Variants in NRAS observed in about 807,000 individuals in gnomAD.
The protein encoded by NRAS is NRAS proto-oncogene, GTPase.
In NRAS, 6 loss-of-function variants were observed where a neutral mutation model predicts 21.3. The observed-to-expected ratio is 0.28, with a 90% CI of 0.15 to 0.56. The LOEUF is 0.56. Ranked by LOEUF, NRAS falls within the 20% of genes least tolerant of loss-of-function variation. The probability of loss-of-function intolerance (pLI) is 0.93; values close to 1 mark genes in which losing one functional copy is unlikely to be tolerated. For missense variants in NRAS, 143 were observed against 231.3 expected (o/e 0.62, Z 2.48); for synonymous variants, 84 against 82.0 (o/e 1.02, Z -0.13).
chr1:114,716,673 C>T lies in NRAS; in HGVS notation c.-33G>A, dbSNP rs929585994. 1.4e-5 allele frequency: 3 copies of T among 211,976 alleles called. No individual in the cohort carries two copies. Among genetic ancestry groups the T allele is most frequent in the African/African-American group, 6.9e-5 (3 of 43,504 alleles). The allele number at this position is 211,976 out of a possible 1,614,324, so 13.1% of individuals were successfully genotyped here. On this transcript the variant is annotated 5_prime_UTR_variant, in exon 1 of 7. Transcript: ENST00000369535. ...ATAAACTTACCTCAAGCTCCACTGC[C>T]TCTGCTTTGGACAGATTTAGGACCA...
At chr1:114,713,703 T>TA (rs1247923997) in intron 3 of NRAS, 97 bp downstream of exon 3, 6 of 1,047,554 alleles carry the variant, frequency 5.7e-6, no homozygotes, top group Non-Finnish European at 9.0e-6. Flanking sequence ...TTCCCATAAT[T>TA]AAAAAGCTCT....
chr1:114,706,530 A>G lies in NRAS; in HGVS notation c.*1564T>C, dbSNP rs1658923282. ...AAACCCTTCAAAGAACATTATGAAT[A>G]AAGAGAATTTAAAACGTTTCTCAGC... is the stretch of plus-strand genomic sequence containing the variant. On this transcript the variant is annotated 3_prime_UTR_variant, in exon 7 of 7. Transcript: ENST00000369535. 1 of 152,254 alleles carries G rather than the reference A, an allele frequency of 6.6e-6. No individual in the cohort carries two copies. Among genetic ancestry groups the G allele is most frequent in the South Asian group, 2.1e-4 (1 of 4,836 alleles). The allele number at this position is 152,254 out of a possible 1,614,324, so 9.4% of individuals were successfully genotyped here. A position where few individuals can be genotyped will look rare whatever the true frequency, so the allele number is the denominator to read the frequency against.
chr1:114,714,170 TA>T (rs1414191541), intron 2 of NRAS, among the ~76,000 whole-genome samples, 192 bp from the exon 3 acceptor site: 1 of 152,138 alleles, frequency 6.6e-6, no homozygotes, highest in Non-Finnish European at 1.5e-5. Flanking sequence ...TCACCCTACA[TA>T]AAAGAAAACC....
chr1:114,709,104 G>C (rs1658982079), intron 4 of NRAS, among the ~76,000 whole-genome samples: 2 of 152,074 alleles, frequency 1.3e-5, no homozygotes, highest in Admixed American at 6.6e-5. Context: ...GTTCATTTTG[G>C]GTTTAAACAA....
intron 3 of NRAS, among the ~76,000 whole-genome samples, chr1:114,713,498 G>A (rs578112112): frequency 3.9e-5 from 6 of 152,144 alleles, no homozygotes; most frequent in African/African-American, 1.4e-4. Context: ...GATGTTTCTT[G>A]GAGATGTTTT....
rs1658883276 is a variant in NRAS at position 114,705,238 on chromosome 1, A to G, written c.*2856T>C. 2.0e-5 allele frequency: 3 copies of G among 152,340 alleles called. No individual in the cohort carries two copies. The highest frequency in any genetic ancestry group is 6.5e-5 in the Admixed American group (1 of 15,304). The allele number at this position is 152,340 out of a possible 1,614,324, so 9.4% of individuals were successfully genotyped here. A position where few individuals can be genotyped will look rare whatever the true frequency, so the allele number is the denominator to read the frequency against. Reference sequence around the variant, plus strand: ...GTGAAAGACTAAACATGGGCCCACTAAAATAGAGATTAATTTTACCTATTA... The same window carrying G: ...GTGAAAGACTAAACATGGGCCCACTGAAATAGAGATTAATTTTACCTATTA... On this transcript the variant is annotated 3_prime_UTR_variant, in exon 7 of 7. Coordinates refer to ENST00000369535, the MANE Select transcript of NRAS (RefSeq NM_002524.5).
rs766994734 is a variant in NRAS at position 114,709,551 on chromosome 1, C to A, written c.450+18G>T. ...ACTGATGCAAACTCTTGCACAAATG[C>A]TGAAAGCTGTACCATACCTGTCTGG... is the stretch of plus-strand genomic sequence containing the variant. On this transcript the variant is annotated intron_variant, in intron 4 of 6. Transcript: ENST00000369535. 22 of 1,609,854 alleles carry A rather than the reference C, an allele frequency of 1.4e-5. No individual in the cohort carries two copies. In the Admixed American group the frequency reaches 3.7e-4, roughly 27 times the overall value.
rs758918340 is a variant in NRAS at position 114,713,995 on chromosome 1, TA to T, written c.112-18del. The T allele has an allele frequency of 6.2e-6, 5 of 808,718 alleles. No individual in the cohort carries two copies. The highest frequency in any genetic ancestry group is 9.7e-6 in the Non-Finnish European group (5 of 514,034). The allele number at this position is 808,718 out of a possible 1,614,324, so 50.1% of individuals were successfully genotyped here. On this transcript the variant is annotated intron_variant, in intron 2 of 6. Coordinates refer to ENST00000369535, the MANE Select transcript of NRAS (RefSeq NM_002524.5). ...GTAAGAATCCTGGGGGTGTGGAGGG[TA>T]AGGGGGCAGGGAGGGAGGGAAGTTC...
At chr1:114,714,579 T>TA (rs1201478645) in intron 2 of NRAS, among the ~76,000 whole-genome samples, 2 of 152,138 alleles carry the variant, frequency 1.3e-5, no homozygotes, top group Non-Finnish European at 2.9e-5. Context: ...ATAGATCATA[T>TA]AAAAAATACT....
Position 114,708,613 on chromosome 1 carries a change from G to C in NRAS, c.492C>G (p.Arg164=), listed in dbSNP as rs1658971087. The C allele has an allele frequency of 6.2e-7, 1 of 1,612,714 alleles. No homozygotes were observed. Among genetic ancestry groups the C allele is most frequent in the Non-Finnish European group, 8.5e-7 (1 of 1,178,762 alleles). ...DAFYTLVREI[R]QYRMKKLNSS... ...TGTTGAGTTTTTTCATTCGGTACTGGCGTATTTCTCTTACCAGTGTGTAAA... is the reference window on the plus strand; with the variant it reads ...TGTTGAGTTTTTTCATTCGGTACTGCCGTATTTCTCTTACCAGTGTGTAAA... Residue 164 remains arginine, a synonymous_variant, in exon 5 of 7, where the codon CGC becomes CGG. Coordinates refer to ENST00000369535, the MANE Select transcript of NRAS (RefSeq NM_002524.5).
chr1:114,710,724 T>C (rs570572061), intron 3 of NRAS, among the ~76,000 whole-genome samples: 1 of 152,302 alleles, frequency 6.6e-6, no homozygotes, highest in South Asian at 2.1e-4. Context: ...CTAAGGAGAC[T>C]GCTTTAGACT....
chr1:114,706,137 G>A lies in NRAS; in HGVS notation c.*1957C>T, dbSNP rs759993141. Reference sequence around the variant, plus strand: ...ACTGTGAAAGCTCCCAGAATTAGCAGTAAGAAGCACAACTCTGCAGGTTCA... The same window carrying A: ...ACTGTGAAAGCTCCCAGAATTAGCAATAAGAAGCACAACTCTGCAGGTTCA... On this transcript the variant is annotated 3_prime_UTR_variant, in exon 7 of 7. Transcript: ENST00000369535. The A allele has an allele frequency of 6.6e-6, 1 of 152,216 alleles. No homozygotes were observed. Among genetic ancestry groups the A allele is most frequent in the African/African-American group, 2.4e-5 (1 of 41,452 alleles). The allele number at this position is 152,216 out of a possible 1,614,324, so 9.4% of individuals were successfully genotyped here.
intron 4 of NRAS, 51 bp downstream of exon 4, chr1:114,709,518 G>C (rs1385874549): frequency 7.0e-7 from 1 of 1,422,550 alleles, no homozygotes; most frequent in Admixed American, 1.7e-5. Flanking sequence ...CTCTACCAGA[G>C]TTAATCAACT....
chr1:114,706,004 A>T lies in NRAS; in HGVS notation c.*2090T>A, dbSNP rs1294993279. On this transcript the variant is annotated 3_prime_UTR_variant, in exon 7 of 7. Transcript: ENST00000369535. ...GAATCACTGCCAGTCACAGACATTT[A>T]AAAAAGAAATGACTGAGGTGATAAG... 1 of 152,180 alleles carries T rather than the reference A, an allele frequency of 6.6e-6. No homozygotes were observed. Among genetic ancestry groups the T allele is most frequent in the Non-Finnish European group, 1.5e-5 (1 of 68,018 alleles). 9.4% of individuals were successfully genotyped at this position (152,180 alleles called of 1,614,324 possible).
chr1:114,716,013 G>A lies in NRAS; in HGVS notation c.111+37C>T, dbSNP rs758356418. 6.7e-6 allele frequency: 8 copies of A among 1,200,284 alleles called. No homozygotes were observed. The Admixed American group carries it at 8.4e-5, about 13-fold the overall frequency. 74.4% of individuals were successfully genotyped at this position (1,200,284 alleles called of 1,614,324 possible). On this transcript the variant is annotated intron_variant, in intron 2 of 6. Transcript: ENST00000369535. ...GGTAAAGATGATCCGACAAGTGAGAGACAGGATCAGGTCAGCGGGCTACCA... is the reference window on the plus strand; with the variant it reads ...GGTAAAGATGATCCGACAAGTGAGAAACAGGATCAGGTCAGCGGGCTACCA...
At chr1:114,711,697 T>C (rs1289592770) in intron 3 of NRAS, among the ~76,000 whole-genome samples, 1 of 151,686 alleles carries the variant, frequency 6.6e-6, no homozygotes, top group Non-Finnish European at 1.5e-5. Flanking sequence ...ACATAAGAAC[T>C]GCTCTTAGTA....
At chr1:114,715,030 C>T (rs1659124827) in intron 2 of NRAS, among the ~76,000 whole-genome samples, 1 of 151,986 alleles carries the variant, frequency 6.6e-6, no homozygotes, top group Non-Finnish European at 1.5e-5. Flanking sequence ...ATTTATTTAT[C>T]TATTTATTTA....
rs1658933907 is a variant in NRAS, at chr1:114,707,014, T to A, written c.*1080A>T. The A allele has an allele frequency of 6.6e-6, 1 of 152,646 alleles. No homozygotes were observed. The allele number at this position is 152,646 out of a possible 1,614,324, so 9.5% of individuals were successfully genotyped here. On this transcript the variant is annotated 3_prime_UTR_variant, in exon 7 of 7. Transcript: ENST00000369535. ...GTTTGAAAATCACTGATCACAGCTA[T>A]TAAATAACAATGCACCAAAGTTTTA...
intron 3 of NRAS, among the ~76,000 whole-genome samples, chr1:114,713,100 T>C (rs1048915427): frequency 1.3e-5 from 2 of 152,210 alleles, no homozygotes; most frequent in Non-Finnish European, 2.9e-5. Flanking sequence ...TATGGTTCTA[T>C]GGACAAAGTC....
Sources: gnomAD v4.1 joint callset for allele counts (sites outside exome capture counted in the v4.1 genomes callset) on GRCh38, gnomAD v4.1.1 for gene constraint, MANE v1.5 for transcripts, NCBI Gene and HGNC (gene_info 2026-07-23, HGNC 2026-07-21) for gene names.